The following COPS9 variants were observed in gnomAD, a reference collection of about 807,000 sequenced individuals.
COPS9 encodes the protein COP9 signalosome complex subunit 9.
Under a neutral mutation model 7.2 loss-of-function variants are expected in COPS9, and 8 were observed. That is an observed-to-expected ratio of 1.11 (90% CI 0.65 to 2.00). COPS9 has a LOEUF of 2.00. Ranked by LOEUF, COPS9 falls within the 30% of genes most tolerant of loss-of-function variation. The pLI is 0.00. For missense variants in COPS9, 74 were observed against 77.7 expected (o/e 0.95, Z 0.18); for synonymous variants, 39 against 28.7 (o/e 1.36, Z -1.14).
At chr2:240,130,220 G>C (rs1341929646), downstream of COPS9, among the ~76,000 whole-genome samples, 3 of 152,240 alleles carry the variant, frequency 2.0e-5, no homozygotes, top group Non-Finnish European at 4.4e-5. Context: ...GGGGGCAGCA[G>C]GTCCCTCCAC....
downstream of COPS9, among the ~76,000 whole-genome samples, chr2:240,127,153 A>G (rs1229401322): frequency 6.6e-6 from 1 of 152,090 alleles, no homozygotes; most frequent in Non-Finnish European, 1.5e-5. Context: ...AACGGCGAAT[A>G]CCCAGGCAGC....
intron 1 of COPS9, chr2:240,134,238 C>A: frequency 1.9e-6 from 1 of 513,010 alleles, no homozygotes; most frequent in Non-Finnish European, 3.5e-6. Flanking sequence ...TGATTCCTGT[C>A]TGCCTTTAAA....
At chr2:240,136,341 G>T (rs774385996), upstream of COPS9, 4 of 1,511,848 alleles carry the variant, frequency 2.6e-6, no homozygotes, top group Non-Finnish European at 2.6e-6. Flanking sequence ...TCCGGCGCGC[G>T]CCACATGGCA....
chr2:240,136,066 C>A, intron 1 of COPS9, 156 bp downstream of exon 1: 2 of 1,195,572 alleles, frequency 1.7e-6, no homozygotes, highest in Non-Finnish European at 2.2e-6. Flanking sequence ...TCGGAGAAAC[C>A]GGGATTTGCT....
At chr2:240,128,498 G>A (rs2071889172), downstream of COPS9, among the ~76,000 whole-genome samples, 1 of 152,166 alleles carries the variant, frequency 6.6e-6, no homozygotes, top group Non-Finnish European at 1.5e-5. Context: ...ACGCAGGCAG[G>A]CATTCCCCGC....
Position 240,130,872 on chromosome 2 carries a change from C to A in COPS9, c.*179G>T. 7.0e-7 allele frequency: 1 copy of A among 1,425,110 alleles called. No individual in the cohort carries two copies. The highest frequency in any genetic ancestry group is 2.6e-4 in the Middle Eastern group (1 of 3,830). The allele number at this position is 1,425,110 out of a possible 1,614,324, so 88.3% of individuals were successfully genotyped here. A position where few individuals can be genotyped will look rare whatever the true frequency, so the allele number is the denominator to read the frequency against. On this transcript the variant is annotated 3_prime_UTR_variant, in exon 3 of 3. Coordinates refer to ENST00000607357, the MANE Select transcript of COPS9 (RefSeq NM_001163424.2). The stretch of plus-strand genomic sequence containing the variant: ...TTGGAGTGAGGACAAAACCTGATCC[C>A]GTTCAGAGATGAACAGAATCATCTA...
In COPS9 at chr2:240,133,925, A is replaced by G. The variant is rs775185235; in HGVS notation, c.136+8T>C. 5 of 1,613,818 alleles carry G rather than the reference A, an allele frequency of 3.1e-6. No individual in the cohort carries two copies. In the South Asian group the frequency reaches 3.3e-5, roughly 11 times the overall value. The stretch of plus-strand genomic sequence containing the variant: ...TTAAATCTGGCATCCCATTCCAAGC[A>G]TCCTTACCGTTAAAAAAGTCTGCAT... On this transcript the variant is annotated splice_region_variant and intron_variant, in intron 2 of 2. Transcript: ENST00000607357.
chr2:240,130,093 T>A, downstream of COPS9: 1 of 1,321,316 alleles, frequency 7.6e-7, no homozygotes, highest in South Asian at 1.3e-5. Flanking sequence ...TCACCACTCA[T>A]GAGAAAAAGA....
downstream of COPS9, chr2:240,130,025 G>C: frequency 6.2e-7 from 1 of 1,612,240 alleles, no homozygotes; most frequent in Non-Finnish European, 8.5e-7. Context: ...GCAGTCCTGA[G>C]CTGCTGAGCC....
chr2:240,130,691 G>T, downstream of COPS9: 1 of 747,826 alleles, frequency 1.3e-6, no homozygotes, highest in Non-Finnish European at 1.7e-6. Flanking sequence ...CTTAACACAA[G>T]GTATCTGCTA....
Position 240,134,235 on chromosome 2 carries a change from T to C in COPS9, c.64-230A>G, listed in dbSNP as rs1275873366. 1.2e-5 allele frequency: 6 copies of C among 516,606 alleles called. No individual in the cohort carries two copies. In the South Asian group the frequency reaches 1.6e-4, roughly 14 times the overall value. 32.0% of individuals were successfully genotyped at this position (516,606 alleles called of 1,614,324 possible). ...TCAAGGGCTTCTGTTCCTTGATTCC[T>C]GTCTGCCTTTAAAAAAGAAACCTAC... On this transcript the variant is annotated intron_variant, in intron 1 of 2. Coordinates refer to ENST00000607357, the MANE Select transcript of COPS9 (RefSeq NM_001163424.2).
downstream of COPS9, chr2:240,129,928 G>C (rs778201505): frequency 3.1e-6 from 5 of 1,613,946 alleles, no homozygotes; most frequent in South Asian, 2.2e-5. Context: ...GACACCACAG[G>C]CCGCTCTGCT....
At chr2:240,136,182 C>T (rs968545925) in intron 1 of COPS9, 40 bp downstream of exon 1, 1 of 1,484,664 alleles carries the variant, frequency 6.7e-7, no homozygotes, top group Non-Finnish European at 8.9e-7. Context: ...CCCCCTTCCC[C>T]GCTCCCCACG....
intron 2 of COPS9, among the ~76,000 whole-genome samples, chr2:240,131,368 C>T (rs944825949): frequency 4.6e-5 from 7 of 152,192 alleles, no homozygotes; most frequent in South Asian, 4.1e-4. Flanking sequence ...CGGACACCAC[C>T]GCACAGCCAC....
rs914243206 is a variant in COPS9, at chr2:240,132,935, A to G, written c.136+998T>C. ...GCTCATCTCAAATGTCATCTGCCTC[A>G]GTTCTGACTCCAGTTGGTAGCAGTA... On this transcript the variant is annotated intron_variant, in intron 2 of 2. Coordinates refer to ENST00000607357, the MANE Select transcript of COPS9 (RefSeq NM_001163424.2). This position sits in a 1 kb window ranked among gnomAD's most constrained non-coding sequence, Gnocchi z 4.1. Among the ~76,000 whole-genome samples, 2 of 152,244 alleles carry G rather than the reference A, an allele frequency of 1.3e-5. No homozygotes were observed. Among genetic ancestry groups the G allele is most frequent in the African/African-American group, 4.8e-5 (2 of 41,466 alleles).
At chr2:240,127,023 T>A, downstream of COPS9, 5 of 1,511,138 alleles carry the variant, frequency 3.3e-6, 1 homozygote, top group South Asian at 6.1e-5. Context: ...CTGGGACAAG[T>A]CATTCTGTCC....
intron 2 of COPS9, 40 bp from the exon 3 acceptor site, chr2:240,131,128 G>C: frequency 6.2e-7 from 1 of 1,601,738 alleles, no homozygotes; most frequent in African/African-American, 1.3e-5. Context: ...CACCTACAAG[G>C]GTAAGGGCTG....
downstream of COPS9, among the ~76,000 whole-genome samples, chr2:240,129,407 C>G (rs1311617717): frequency 5.9e-5 from 9 of 152,110 alleles, no homozygotes; most frequent in Admixed American, 3.9e-4. Flanking sequence ...CTCAAGTGAC[C>G]CTCCCGCCTC....
downstream of COPS9, among the ~76,000 whole-genome samples, chr2:240,129,065 C>A (rs1457324827): frequency 6.6e-6 from 1 of 152,240 alleles, no homozygotes; most frequent in African/African-American, 2.4e-5. Flanking sequence ...TGCCTGAGTT[C>A]CTCTGCGGCA....
Sources: allele counts gnomAD v4.1 joint callset (sites outside exome capture counted in the v4.1 genomes callset), GRCh38; gene constraint gnomAD v4.1.1; non-coding constraint Gnocchi (gnomAD v3.1); transcripts MANE v1.5; gene names NCBI Gene and HGNC (gene_info 2026-07-23, HGNC 2026-07-21).